The following PTPRC variants were observed in gnomAD, a reference collection of about 807,000 sequenced individuals.
PTPRC encodes receptor-type tyrosine-protein phosphatase C.
PTPRC carries 44 observed loss-of-function variants against 155.9 expected under a neutral mutation model. The ratio of observed to expected loss-of-function variants is 0.28; its 90% CI spans 0.22 to 0.36. The LOEUF (loss-of-function observed/expected upper bound fraction) is 0.36, where lower values mean the gene tolerates loss of function less well. Among genes scored for constraint, PTPRC ranks in the 10% least tolerant of loss-of-function variants. PTPRC has a pLI of 1.00. For synonymous variants in PTPRC, 525 were observed against 533.1 expected (o/e 0.98, Z 0.21); for missense variants, 1,401 against 1,564.6 (o/e 0.90, Z 1.76).
chr1:198,712,900 C>A, intron 11 of PTPRC, 53 bp from the exon 12 acceptor site: 4 of 1,539,922 alleles, frequency 2.6e-6, no homozygotes, highest in Non-Finnish European at 3.6e-6. Flanking sequence ...ATGAAGAATG[C>A]TTTATCCATG....
At chr1:198,642,236 A>G (rs1662625063) in intron 2 of PTPRC, among the ~76,000 whole-genome samples, 1 of 152,052 alleles carries the variant, frequency 6.6e-6, no homozygotes, top group Admixed American at 6.6e-5. Flanking sequence ...CTCACCAGTG[A>G]CAATTAACCA....
chr1:198,641,343 G>T (rs1461108473), intron 2 of PTPRC, among the ~76,000 whole-genome samples: 1 of 151,818 alleles, frequency 6.6e-6, no homozygotes, highest in Non-Finnish European at 1.5e-5. Flanking sequence ...TGGATTCTAT[G>T]TTTCATTTTA....
At chr1:198,730,454 C>T (rs1654334250) in intron 17 of PTPRC, among the ~76,000 whole-genome samples, 1 of 152,108 alleles carries the variant, frequency 6.6e-6, no homozygotes, top group African/African-American at 2.4e-5. Context: ...GCTTTATGCC[C>T]AGTACCAAAG....
chr1:198,704,979 G>A (rs1054473674), intron 8 of PTPRC, among the ~76,000 whole-genome samples: 18 of 152,064 alleles, frequency 1.2e-4, no homozygotes, highest in Non-Finnish European at 2.9e-5. Flanking sequence ...AGGGGGACAA[G>A]GATTCAGTGT....
chr1:198,741,860 CTT>C lies in PTPRC; in HGVS notation c.2404-8_2404-7del. The stretch of plus-strand genomic sequence containing the variant: ...AATCATCTCAAAGAAAATATTATCT[CTT>C]GACTAGAAAAAAGAAAAAGCAACTG... On this transcript the variant is annotated splice_polypyrimidine_tract_variant and splice_region_variant and intron_variant, in intron 23 of 32. Coordinates refer to ENST00000442510, the MANE Select transcript of PTPRC (RefSeq NM_002838.5). 6.2e-7 allele frequency: 1 copy of C among 1,610,404 alleles called. No homozygotes were observed. The highest frequency in any genetic ancestry group is 8.5e-7 in the Non-Finnish European group (1 of 1,177,978).
intron 2 of PTPRC, among the ~76,000 whole-genome samples, chr1:198,667,849 G>T (rs1170419263): frequency 6.6e-6 from 1 of 152,210 alleles, no homozygotes; most frequent in Admixed American, 6.5e-5. Context: ...TCAATAGGTA[G>T]TAGCTGTGTC....
chr1:198,639,463 A>G (rs892324446), intron 2 of PTPRC, 122 bp downstream of exon 2: 1 of 746,752 alleles, frequency 1.3e-6, no homozygotes, highest in African/African-American at 1.8e-5. Flanking sequence ...GCTGTAAACC[A>G]TCAAGATTGT....
intron 2 of PTPRC, among the ~76,000 whole-genome samples, chr1:198,656,107 A>G (rs1402341707): frequency 6.6e-6 from 1 of 152,132 alleles, no homozygotes; most frequent in Non-Finnish European, 1.5e-5. Context: ...TAACTATTAG[A>G]AAAATTTAAG....
intron 2 of PTPRC, among the ~76,000 whole-genome samples, chr1:198,654,638 C>T (rs1366184100): frequency 1.3e-5 from 2 of 151,632 alleles, no homozygotes; most frequent in Non-Finnish European, 3.0e-5. Context: ...AATATATTTC[C>T]AATGCTCCTT....
At chr1:198,746,630 T>C (rs551951938) in intron 26 of PTPRC, among the ~76,000 whole-genome samples, 1 of 151,812 alleles carries the variant, frequency 6.6e-6, no homozygotes, top group East Asian at 2.0e-4. Flanking sequence ...CATTCAGGAA[T>C]AAAAATCTGG....
At chr1:198,658,847 C>G (rs1663758261) in intron 2 of PTPRC, among the ~76,000 whole-genome samples, 1 of 151,910 alleles carries the variant, frequency 6.6e-6, no homozygotes, top group African/African-American at 2.4e-5. Context: ...AAAAATCCAG[C>G]TAACCCTTAC....
chr1:198,699,508 A>G (rs1032862985), intron 4 of PTPRC, 56 bp from the exon 5 acceptor site: 2 of 1,604,342 alleles, frequency 1.2e-6, no homozygotes, highest in African/African-American at 1.3e-5. Context: ...CTCTTAGTAA[A>G]TTATTCATCT....
rs2274367 is a variant in PTPRC at position 198,708,213 on chromosome 1, G to A, written c.985G>A (p.Glu329Lys). The change falls in exon 10 of 33, where the codon GAA (glutamate) becomes AAA (lysine). Residue 329 changes from glutamate to lysine, a missense_variant. By Grantham distance (56) the Glu-to-Lys change is moderately conservative. Around this residue, in one of 3 missense-constraint regions of PTPRC, gnomAD observed 867 missense variants for 970.4 expected, o/e 0.89. Transcript: ENST00000442510. ...TATTTGTTTAAAATGGAAAAATATT[G>A]AAACCTTTACTTGTGATACACAGAA... ...TTICLKWKNI[E>K]TFTCDTQNIT... 1.4e-4 allele frequency: 231 copies of A among 1,605,804 alleles called. No individual in the cohort carries two copies. In the East Asian group the frequency reaches 5.1e-3, roughly 35 times the overall value.
chr1:198,715,405 A>G (rs1653537369), intron 12 of PTPRC, among the ~76,000 whole-genome samples: 1 of 151,014 alleles, frequency 6.6e-6, no homozygotes, highest in Admixed American at 6.6e-5. Flanking sequence ...GTGTTTGTTT[A>G]TTTTTCCTCA....
chr1:198,682,199 T>C (rs900878949), intron 2 of PTPRC, among the ~76,000 whole-genome samples: 1 of 152,244 alleles, frequency 6.6e-6, no homozygotes, highest in Non-Finnish European at 1.5e-5. Context: ...CTGGGTTCCT[T>C]TAATGATTTT....
chr1:198,752,338 T>C lies in PTPRC; in HGVS notation c.3297T>C (p.Tyr1099=), dbSNP rs1453328616. 1.9e-6 allele frequency: 3 copies of C among 1,612,756 alleles called. No homozygotes were observed. Among genetic ancestry groups the C allele is most frequent in the South Asian group, 2.2e-5 (2 of 91,074 alleles). Residue 1099 remains tyrosine, a synonymous_variant, in exon 30 of 33, where the codon TAT becomes TAC. Transcript: ENST00000442510. ...AAGACACAGACAAATCTTCAACTTA[T>C]ACCCTTCGTGTCTTTGAACTGAGAC... is the stretch of plus-strand genomic sequence containing the variant. ...DLKDTDKSST[Y]TLRVFELRHS...
intron 2 of PTPRC, among the ~76,000 whole-genome samples, chr1:198,650,984 G>C (rs560905123): frequency 1.3e-5 from 2 of 151,850 alleles, no homozygotes; most frequent in Admixed American, 1.3e-4. Context: ...CATGCAATTG[G>C]TAAATATCTC....
chr1:198,737,572 G>A (rs769434335), intron 23 of PTPRC, among the ~76,000 whole-genome samples: 2 of 151,658 alleles, frequency 1.3e-5, no homozygotes. Context: ...TAGCTCTGAA[G>A]TATAATTTCA....
At chr1:198,682,590 ATTTACCTAT>A (rs1665397361) in intron 2 of PTPRC, among the ~76,000 whole-genome samples, 1 of 152,160 alleles carries the variant, frequency 6.6e-6, no homozygotes, top group African/African-American at 2.4e-5. Flanking sequence ...GGGGAGCTTC[ATTTACCTAT>A]TCTTTCCCTC....
Sources: allele counts gnomAD v4.1 joint callset (sites outside exome capture counted in the v4.1 genomes callset), GRCh38; gene constraint gnomAD v4.1.1; regional missense constraint gnomAD v4.1.1; transcripts MANE v1.5; gene names NCBI Gene and HGNC (gene_info 2026-07-23, HGNC 2026-07-21).